The following CFAP91 variants were observed in gnomAD, a reference collection of about 807,000 sequenced individuals.
CFAP91 encodes cilia and flagella associated protein 91.
CFAP91 carries 85 observed loss-of-function variants against 95.9 expected under a neutral mutation model. That is an observed-to-expected ratio of 0.89 (90% CI 0.74 to 1.06). The LOEUF (loss-of-function observed/expected upper bound fraction) is 1.06, where lower values mean the gene tolerates loss of function less well. Ranked by LOEUF, CFAP91 falls within the 50% of genes least tolerant of loss-of-function variation. CFAP91 has a pLI of 0.00. For missense variants in CFAP91, 962 were observed against 943.4 expected, an observed-to-expected ratio of 1.02 and a Z score of -0.26; for synonymous variants, 335 against 327.5, an observed-to-expected ratio of 1.02 and a Z score of -0.25.
At chr3:119,705,566 C>T (rs1171938378) in intron 1 of CFAP91, among the ~76,000 whole-genome samples, 3 of 152,214 alleles carry the variant, frequency 2.0e-5, no homozygotes, top group Admixed American at 6.5e-5. Flanking sequence ...AACTAGCTAA[C>T]TCCCTCACCT....
intron 5 of CFAP91, among the ~76,000 whole-genome samples, chr3:119,713,442 T>C (rs1280387220): frequency 6.6e-6 from 1 of 151,612 alleles, no homozygotes; most frequent in African/African-American, 2.4e-5. Context: ...TAAACATCTT[T>C]GGTGTATGTA....
intron 14 of CFAP91, among the ~76,000 whole-genome samples, chr3:119,746,500 G>T (rs1353120352): frequency 6.6e-6 from 1 of 152,150 alleles, no homozygotes; most frequent in African/African-American, 2.4e-5. Flanking sequence ...AGGCCTTCTG[G>T]CAATTTAAGA....
At chr3:119,706,681 CAG>C (rs2053370354) in intron 1 of CFAP91, 126 bp from the exon 2 acceptor site, 3 of 686,558 alleles carry the variant, frequency 4.4e-6, no homozygotes, top group Non-Finnish European at 7.7e-6. Flanking sequence ...TGAGCTGCTG[CAG>C]AGTCAGACAA....
chr3:119,706,723 TAA>T, intron 1 of CFAP91, 84 bp from the exon 2 acceptor site: 3 of 1,014,362 alleles, frequency 3.0e-6, no homozygotes, highest in Non-Finnish European at 4.6e-6. Flanking sequence ...GTTTTCCAAT[TAA>T]GAGATTACAT....
At chr3:119,703,498 C>T (rs1254698709) in intron 1 of CFAP91, among the ~76,000 whole-genome samples, 1 of 152,228 alleles carries the variant, frequency 6.6e-6, no homozygotes, top group Non-Finnish European at 1.5e-5. Flanking sequence ...TTTTGGTACC[C>T]AGAAAGTGTG....
Position 119,747,236 on chromosome 3 carries a change from A to G in CFAP91, c.2024A>G (p.Asn675Ser), listed in dbSNP as rs2054238540. The G allele has an allele frequency of 3.1e-6, 5 of 1,613,686 alleles. No homozygotes were observed. The highest frequency in any genetic ancestry group is 2.2e-5 in the East Asian group (1 of 44,868). Residue 675 changes from asparagine (N) to serine (S), a missense_variant, in exon 15 of 18, where the codon AAT becomes AGT. Coordinates refer to ENST00000273390, the MANE Select transcript of CFAP91 (RefSeq NM_033364.4). ...ATAGAGAAGATGGCTGAGAAAATCAATGACATTGCTTATGAAATGGAAAGC... is the reference window on the plus strand; with the variant it reads ...ATAGAGAAGATGGCTGAGAAAATCAGTGACATTGCTTATGAAATGGAAAGC... ...AEIEKMAEKI[N>S]DIAYEMESRR...
At chr3:119,752,029 A>G (rs72965015) in intron 17 of CFAP91, among the ~76,000 whole-genome samples, 1,931 of 152,308 alleles carry the variant, frequency 0.013, 39 homozygotes, top group African/African-American at 0.044. Context: ...CACCTTATCA[A>G]GTTACTAGGA....
At chr3:119,740,754 C>A in intron 13 of CFAP91, 59 bp downstream of exon 13, 1 of 1,518,354 alleles carries the variant, frequency 6.6e-7, no homozygotes, top group Non-Finnish European at 9.0e-7. Flanking sequence ...TTGATTTTAT[C>A]ATCACACAGC....
chr3:119,744,297 A>G (rs1423226389), intron 14 of CFAP91, 101 bp downstream of exon 14: 1 of 901,268 alleles, frequency 1.1e-6, no homozygotes, highest in Non-Finnish European at 1.7e-6. Flanking sequence ...TTGTTTATGC[A>G]TTGAGTTCCT....
intron 8 of CFAP91, among the ~76,000 whole-genome samples, chr3:119,730,601 AGTGTGTGTGTGTGTGTGTGTGTGTGTGT>A (rs60453079): frequency 5.8e-5 from 8 of 137,110 alleles, no homozygotes; most frequent in Admixed American, 4.4e-4. Flanking sequence ...TTACTGAGAT[AGTGTGTGTGTGTGTGTGTGTGTGTGTGT>A]GTGTGTGTGT....
At chr3:119,758,998 G>A (rs947198301) in intron 17 of CFAP91, among the ~76,000 whole-genome samples, 1 of 152,076 alleles carries the variant, frequency 6.6e-6, no homozygotes, top group African/African-American at 2.4e-5. Context: ...TATAAAAAAT[G>A]TTGTGAAAAT....
rs183242718 is a variant in CFAP91, at chr3:119,707,095, A to G, written c.201+210A>G. On this transcript the variant is annotated intron_variant, in intron 2 of 17. Coordinates refer to ENST00000273390, the MANE Select transcript of CFAP91 (RefSeq NM_033364.4). ...CACCAATAATGAACAGAGAACCCAT[A>G]AGCTAATTTATTTCAATGGGATAAA... 12 of 556,810 alleles carry G rather than the reference A, an allele frequency of 2.2e-5. No individual in the cohort carries two copies. The East Asian group carries it at 3.4e-4, about 16-fold the overall frequency. The allele number at this position is 556,810 out of a possible 1,614,324, so 34.5% of individuals were successfully genotyped here.
intron 7 of CFAP91, among the ~76,000 whole-genome samples, chr3:119,728,458 T>G (rs1411082725): frequency 1.3e-5 from 2 of 152,224 alleles, no homozygotes; most frequent in Non-Finnish European, 2.9e-5. Flanking sequence ...ACTCACGTAA[T>G]GCTCACAGCA....
At chr3:119,757,143 A>G (rs2054446614) in intron 17 of CFAP91, among the ~76,000 whole-genome samples, 1 of 152,208 alleles carries the variant, frequency 6.6e-6, no homozygotes, top group Admixed American at 6.5e-5. Context: ...TATTAGAGAA[A>G]AAGAGGGACA....
At chr3:119,710,184 A>G in intron 5 of CFAP91, 1 of 269,078 alleles carries the variant, frequency 3.7e-6, no homozygotes, top group South Asian at 8.3e-5. Context: ...TTATGATATA[A>G]AATGTATTTC....
In CFAP91 at chr3:119,726,211, A is replaced by G. The variant is rs763517607; in HGVS notation, c.723A>G (p.Ile241Met). ...LPAGQAEVEM[I>M]ERAREKRAWE... ...CAGGACAAGCTGAGGTGGAGATGAT[A>G]GAAAGAGCCCGCGAGAAGCGTGCTT... The change falls in exon 7 of 18, where the codon ATA becomes ATG. Residue 241 changes from isoleucine (I) to methionine (M), a missense_variant. By Grantham distance (10) the Ile-to-Met change is conservative (BLOSUM62 1). Transcript: ENST00000273390. 12 of 1,613,260 alleles carry G rather than the reference A, an allele frequency of 7.4e-6. No homozygotes were observed. Among genetic ancestry groups the G allele is most frequent in the Non-Finnish European group, 1.0e-5 (12 of 1,179,660 alleles).
At chr3:119,745,871 A>G (rs980147623) in intron 14 of CFAP91, among the ~76,000 whole-genome samples, 2 of 152,236 alleles carry the variant, frequency 1.3e-5, no homozygotes, top group African/African-American at 4.8e-5. Context: ...ATAGGTGTAC[A>G]GTATCATATA....
At position 119,732,321 on chromosome 3, in the gene CFAP91, A is replaced by C; in HGVS notation, c.1046A>C (p.Lys349Thr). ...ATCAGAAAACTTGTAGGAAAGAGAA[A>C]GAATATAGAAGGGAAGTTGGAGAGA... ...STIRKLVGKR[K>T]NIEGKLERRN... The change falls in exon 9 of 18, where the codon AAG (lysine) becomes ACG (threonine). Residue 349 changes from lysine (K) to threonine (T), a missense_variant. Transcript: ENST00000273390. The C allele has an allele frequency of 6.2e-7, 1 of 1,605,782 alleles. No homozygotes were observed. The highest frequency in any genetic ancestry group is 1.1e-5 in the South Asian group (1 of 89,692).
intron 17 of CFAP91, among the ~76,000 whole-genome samples, chr3:119,758,778 G>GATGA (rs2054480224): frequency 1.3e-5 from 2 of 151,882 alleles, no homozygotes; most frequent in African/African-American, 4.8e-5. Context: ...AGATGAGATA[G>GATGA]GGAAAAATCT....
Sources: allele counts gnomAD v4.1 joint callset (sites outside exome capture counted in the v4.1 genomes callset), GRCh38; gene constraint gnomAD v4.1.1; transcripts MANE v1.5; gene names NCBI Gene and HGNC (gene_info 2026-07-23, HGNC 2026-07-21).